Variants in DIAPH2 observed in about 807,000 individuals in gnomAD.
DIAPH2 encodes diaphanous related formin 2, also known as protein diaphanous homolog 2.
DIAPH2 carries 35 observed loss-of-function variants against 92.7 expected under a neutral mutation model. The observed-to-expected ratio is 0.38, with a 90% CI of 0.29 to 0.50. The LOEUF is 0.50. Ranked by LOEUF, DIAPH2 falls within the 20% of genes least tolerant of loss-of-function variation. DIAPH2 has a pLI of 0.94. For missense variants in DIAPH2, 701 were observed against 819.5 expected (o/e 0.86, Z 1.77); for synonymous variants, 301 against 280.4 (o/e 1.07, Z -0.73).
At chrX:96,696,352 C>T (rs1404847983) in intron 1 of DIAPH2, among the ~76,000 whole-genome samples, 2 of 112,252 alleles carry the variant, frequency 1.8e-5, no homozygotes, top group African/African-American at 6.5e-5. Context: ...CTCTGGGTGT[C>T]AGTGTATTCT....
chrX:96,989,995 C>T (rs2066058242), intron 17 of DIAPH2, among the ~76,000 whole-genome samples: 1 of 111,971 alleles, frequency 8.9e-6, no homozygotes, highest in Non-Finnish European at 1.9e-5. Flanking sequence ...TGCTAAGTTG[C>T]ACATACAAAC....
chrX:96,973,224 G>A (rs760893902), intron 17 of DIAPH2, among the ~76,000 whole-genome samples: 9 of 112,133 alleles, frequency 8.0e-5, no homozygotes, highest in East Asian at 5.6e-4. Context: ...TACGCTGAGC[G>A]TCGTGACTCA....
intron 22 of DIAPH2, among the ~76,000 whole-genome samples, chrX:97,147,981 A>G (rs1222584789): frequency 1.8e-5 from 2 of 111,535 alleles, no homozygotes; most frequent in East Asian, 2.8e-4. Flanking sequence ...AAAAAGTAAA[A>G]TAATAGCAAA....
rs577572503 is a variant in DIAPH2 at position 97,562,492 on chromosome X, C to T, written c.3242-36761C>T. ...CTGCATTCCAGCTGAGTCAAGATCCCGCCACTGCACTCCAGCCTGGGTGAC... is the reference window on the plus strand; with the variant it reads ...CTGCATTCCAGCTGAGTCAAGATCCTGCCACTGCACTCCAGCCTGGGTGAC... On this transcript the variant is annotated intron_variant, in intron 26 of 26. Coordinates refer to ENST00000324765, the MANE Select transcript of DIAPH2 (RefSeq NM_006729.5). 5.6e-5 allele frequency among the ~76,000 whole-genome samples: 6 copies of T among 108,039 alleles called. No homozygotes were observed. In the South Asian group the frequency reaches 2.6e-3, roughly 46 times the overall value. 93.8% of individuals were successfully genotyped at this position (108,039 alleles called of 115,157 possible). A position where few individuals can be genotyped will look rare whatever the true frequency, so the allele number is the denominator to read the frequency against.
intron 17 of DIAPH2, among the ~76,000 whole-genome samples, chrX:97,012,793 C>CT (rs1331752947): frequency 8.9e-6 from 1 of 112,182 alleles, no homozygotes; most frequent in African/African-American, 3.2e-5. Context: ...CATTTATTGA[C>CT]TGTCTCTCCT....
intron 4 of DIAPH2, among the ~76,000 whole-genome samples, chrX:96,848,047 TA>T (rs1474725701): frequency 5.5e-4 from 60 of 108,855 alleles, no homozygotes; most frequent in African/African-American, 1.5e-3. Flanking sequence ...TTATTATTAT[TA>T]TTTTTTTTAG....
intron 3 of DIAPH2, among the ~76,000 whole-genome samples, chrX:96,749,045 A>G (rs900751183): frequency 1.9e-5 from 2 of 106,067 alleles, no homozygotes; most frequent in African/African-American, 6.9e-5. Flanking sequence ...TAAAATATTT[A>G]CTGTCTGGCA....
chrX:96,785,541 C>A (rs778638416), intron 4 of DIAPH2, among the ~76,000 whole-genome samples: 136 of 2,557 alleles, frequency 0.053, no homozygotes, highest in Non-Finnish European at 0.072. Context: ...GATCTTGGCT[C>A]ACTGCAATCT....
rs77018445 is a variant in DIAPH2, at chrX:97,180,798, G to A, written c.2719+39004G>A. 1.1e-4 allele frequency among the ~76,000 whole-genome samples: 12 copies of A among 111,156 alleles called. No individual in the cohort carries two copies. The South Asian group carries it at 3.4e-3, about 32-fold the overall frequency. ...ATTGCTTGTTTTTGTCAGGTTTGTC[G>A]AAGATCATATCGTTGTAAATGTGTG... is the stretch of plus-strand genomic sequence containing the variant. On this transcript the variant is annotated intron_variant, in intron 22 of 26. Coordinates refer to ENST00000324765, the MANE Select transcript of DIAPH2 (RefSeq NM_006729.5).
At chrX:96,895,594 T>C (rs2065339907) in intron 5 of DIAPH2, among the ~76,000 whole-genome samples, 1 of 112,008 alleles carries the variant, frequency 8.9e-6, no homozygotes, top group African/African-American at 3.2e-5. Flanking sequence ...TCCTTGTGTG[T>C]ATGATTTAGC....
chrX:96,831,206 T>C lies in DIAPH2; in HGVS notation c.448-50373T>C, dbSNP rs193209812. On this transcript the variant is annotated intron_variant, in intron 4 of 26. Transcript: ENST00000324765. The stretch of plus-strand genomic sequence containing the variant: ...CTTGTCATTCAGGTCTCAGCTTAAG[T>C]ATCATTTCCTCAAGGAAGCCTTTCC... Among the ~76,000 whole-genome samples the C allele has an allele frequency of 1.4e-3, 152 of 111,719 alleles. 1 individual carries two copies. Among genetic ancestry groups the C allele is most frequent in the African/African-American group, 4.6e-3 (142 of 30,778 alleles).
chrX:97,538,120 G>A (rs775921573), intron 26 of DIAPH2, among the ~76,000 whole-genome samples: 1 of 110,358 alleles, frequency 9.1e-6, no homozygotes, highest in Admixed American at 9.7e-5. Context: ...TCCTGACCTC[G>A]TGATCTGCCC....
At chrX:96,909,917 C>T (rs1569425341) in intron 5 of DIAPH2, among the ~76,000 whole-genome samples, 1 of 110,449 alleles carries the variant, frequency 9.1e-6, no homozygotes, top group East Asian at 2.8e-4. Context: ...AGAAATAACC[C>T]TAATAATTTT....
chrX:96,712,319 C>T (rs763949995), intron 1 of DIAPH2, among the ~76,000 whole-genome samples: 18 of 110,532 alleles, frequency 1.6e-4, no homozygotes, highest in Non-Finnish European at 2.7e-4. Context: ...TAGAGCTCTA[C>T]CAGCTTGGCT....
At chrX:96,918,463 G>A (rs777332861) in intron 8 of DIAPH2, 46 bp from the exon 9 acceptor site, 1 of 860,033 alleles carries the variant, frequency 1.2e-6, no homozygotes, top group South Asian at 2.3e-5. Context: ...CATAGTGTCT[G>A]TATAAGAAGT....
At chrX:96,757,243 A>G (rs1047193982) in intron 3 of DIAPH2, among the ~76,000 whole-genome samples, 1 of 111,346 alleles carries the variant, frequency 9.0e-6, no homozygotes, top group African/African-American at 3.3e-5. Flanking sequence ...AAAAATGCCT[A>G]TTCAAGTGTT....
At chrX:97,394,858 T>C (rs5921807) in intron 25 of DIAPH2, among the ~76,000 whole-genome samples, 3,088 of 111,600 alleles carry the variant, frequency 0.028, 35 homozygotes, top group Middle Eastern at 0.042. Flanking sequence ...CTCTCCATCA[T>C]TGGTTTAGCC....
chrX:97,132,798 C>T (rs1287538874), intron 21 of DIAPH2, among the ~76,000 whole-genome samples: 2 of 112,296 alleles, frequency 1.8e-5, no homozygotes. Context: ...ATTCCATTGA[C>T]TCAACCAGAT....
intron 24 of DIAPH2, among the ~76,000 whole-genome samples, chrX:97,353,951 A>G (rs1340770055): frequency 1.8e-5 from 2 of 110,543 alleles, no homozygotes; most frequent in Admixed American, 2.0e-4. Context: ...AGTAACTAGG[A>G]CTACAGGCAT....
Sources: gnomAD v4.1 joint callset for allele counts (sites outside exome capture counted in the v4.1 genomes callset) on GRCh38, gnomAD v4.1.1 for gene constraint, MANE v1.5 for transcripts, NCBI Gene and HGNC (gene_info 2026-07-23, HGNC 2026-07-21) for gene names.